PFKL: variants seen among roughly 807,000 people sequenced by gnomAD.
PFKL encodes ATP-dependent 6-phosphofructokinase, liver type.
In PFKL, 74 loss-of-function variants were observed where a neutral mutation model predicts 92.1. That is an observed-to-expected ratio of 0.80 (90% CI 0.67 to 0.97). The LOEUF is 0.97. PFKL is among the 50% of genes least tolerant of loss of function. The pLI, the probability that PFKL is intolerant of heterozygous loss-of-function variation, is 0.00. For missense variants in PFKL, 1,028 were observed against 1,116.6 expected (o/e 0.92, Z 1.13); for synonymous variants, 494 against 456.4 (o/e 1.08, Z -1.05).
At position 44,322,956 on chromosome 21, in the gene PFKL, C is replaced by G; in HGVS notation, c.1410-6C>G. ...CGTGTTCATGCGGATGTGTCTTTGA[C>G]TGCAGGACCCTGCCCAAGGGCCAGC... On this transcript the variant is annotated splice_region_variant and splice_polypyrimidine_tract_variant and intron_variant, in intron 14 of 21. Coordinates refer to ENST00000349048, the MANE Select transcript of PFKL (RefSeq NM_002626.6). 3.1e-6 allele frequency: 5 copies of G among 1,608,534 alleles called. No individual in the cohort carries two copies. Among genetic ancestry groups the G allele is most frequent in the Non-Finnish European group, 4.3e-6 (5 of 1,176,324 alleles).
At chr21:44,303,047 A>G (rs539961443) in intron 1 of PFKL, among the ~76,000 whole-genome samples, 52 of 152,290 alleles carry the variant, frequency 3.4e-4, no homozygotes, top group East Asian at 7.7e-4. Flanking sequence ...ATCCTGGCTA[A>G]CATGGTGAAA....
At chr21:44,325,893 G>A in intron 19 of PFKL, 68 bp from the exon 20 acceptor site, 2 of 1,167,986 alleles carry the variant, frequency 1.7e-6, no homozygotes, top group Non-Finnish European at 2.5e-6. Flanking sequence ...GATCCTGTCT[G>A]CACTGGCGTT....
intron 12 of PFKL, chr21:44,320,445 C>A (rs750576195): frequency 1.5e-5 from 4 of 265,810 alleles, no homozygotes; most frequent in Non-Finnish European, 2.9e-5. Flanking sequence ...TAGAAAATGT[C>A]CCCCGGGGCC....
At chr21:44,325,699 A>G in intron 19 of PFKL, 1 of 530,358 alleles carries the variant, frequency 1.9e-6, no homozygotes, top group Admixed American at 3.2e-5. Flanking sequence ...CTGGCTGCCG[A>G]TGCAGGGCCC....
rs745691661 is a variant in PFKL, at chr21:44,312,999, C to T, written c.449C>T (p.Ala150Val). Residue 150 changes from alanine (A) to valine (V), a missense_variant, in exon 5 of 22, where the codon GCC becomes GTC. Physicochemically the swap from Ala to Val is moderately conservative, Grantham distance 64 (BLOSUM62 0). Transcript: ENST00000349048. ...VAEGKISETT[A>V]RTYSHLNIAG... ...CCAGGTAAGATCTCAGAGACTACAG[C>T]CCGGACCTACTCGCACCTGAACATC... 6 of 1,613,060 alleles carry T rather than the reference C, an allele frequency of 3.7e-6. No homozygotes were observed. The highest frequency in any genetic ancestry group is 1.1e-5 in the South Asian group (1 of 91,092).
intron 7 of PFKL, chr21:44,315,644 G>C (rs2047181961): frequency 6.5e-6 from 1 of 154,466 alleles, no homozygotes; most frequent in African/African-American, 2.4e-5. Flanking sequence ...CCAGAGAGCT[G>C]GGCCGCGGCT....
At chr21:44,305,773 G>A (rs377031777) in intron 1 of PFKL, 31 of 1,365,008 alleles carry the variant, frequency 2.3e-5, no homozygotes, top group South Asian at 1.5e-4. Context: ...CCTGAGTGCC[G>A]CCTCCCCCGT....
In PFKL at chr21:44,322,961, G is replaced by A; in HGVS notation, c.1410-1G>A. 1 of 1,609,956 alleles carries A rather than the reference G, an allele frequency of 6.2e-7. No homozygotes were observed. Among genetic ancestry groups the A allele is most frequent in the Non-Finnish European group, 8.5e-7 (1 of 1,177,424 alleles). On this transcript the variant is annotated splice_acceptor_variant, in intron 14 of 21. Transcript: ENST00000349048. LOFTEE classifies it high-confidence loss of function. ...TCATGCGGATGTGTCTTTGACTGCA[G>A]GACCCTGCCCAAGGGCCAGCTGGAG...
intron 3 of PFKL, among the ~76,000 whole-genome samples, chr21:44,311,497 G>C (rs2047047232): frequency 6.6e-6 from 1 of 152,202 alleles, no homozygotes. Context: ...CAGGTACACA[G>C]ATACAGAAAC....
intron 7 of PFKL, chr21:44,315,059 C>T (rs1228657479): frequency 6.6e-6 from 1 of 152,356 alleles, no homozygotes; most frequent in Non-Finnish European, 1.5e-5. Flanking sequence ...GACCTGGCTT[C>T]TAGAACCTTC....
intron 19 of PFKL, chr21:44,325,532 CG>C: frequency 1.8e-6 from 1 of 555,750 alleles, no homozygotes; most frequent in South Asian, 2.1e-5. Context: ...AGGCCTCCCG[CG>C]GCCACTTCCG....
At position 44,326,936 on chromosome 21, in the gene PFKL, G is replaced by A. The variant is rs758292261; in HGVS notation, c.*74G>A. 575 of 1,404,134 alleles carry A rather than the reference G, an allele frequency of 4.1e-4. 2 individuals are homozygous for A. Among genetic ancestry groups the A allele is most frequent in the Non-Finnish European group, 5.2e-4 (530 of 1,016,276 alleles). The allele number at this position is 1,404,134 out of a possible 1,614,324, so 87.0% of individuals were successfully genotyped here. A position where few individuals can be genotyped will look rare whatever the true frequency, so the allele number is the denominator to read the frequency against. ...GCGCCAGGGCTCAGATGGGGCCTGG[G>A]CTGTTGTGTCTGGAGCCTGCAGGCA... On this transcript the variant is annotated 3_prime_UTR_variant, in exon 22 of 22. Coordinates refer to ENST00000349048, the MANE Select transcript of PFKL (RefSeq NM_002626.6).
In PFKL at chr21:44,325,606, C is replaced by T. The variant is rs137945823; in HGVS notation, c.1989+342C>T. On this transcript the variant is annotated intron_variant, in intron 19 of 21. Transcript: ENST00000349048. Reference sequence around the variant, plus strand: ...TTATGGTGGCCCTGCAGGAAGCCCGCGTCCTGGGGTTTTCTGAGCCAGGGA... The same window carrying T: ...TTATGGTGGCCCTGCAGGAAGCCCGTGTCCTGGGGTTTTCTGAGCCAGGGA... The T allele has an allele frequency of 2.1e-3, 1,024 of 487,904 alleles. 3 individuals are homozygous for T. The highest frequency in any genetic ancestry group is 0.013 in the African/African-American group (668 of 51,922). 30.2% of individuals were successfully genotyped at this position (487,904 alleles called of 1,614,324 possible). A position where few individuals can be genotyped will look rare whatever the true frequency, so the allele number is the denominator to read the frequency against.
chr21:44,326,973 C>T lies in PFKL; in HGVS notation c.*111C>T, dbSNP rs1264656125. The T allele has an allele frequency of 1.2e-5, 12 of 999,630 alleles. No individual in the cohort carries two copies. Among genetic ancestry groups the T allele is most frequent in the African/African-American group, 9.6e-5 (6 of 62,468 alleles). 61.9% of individuals were successfully genotyped at this position (999,630 alleles called of 1,614,324 possible). A position where few individuals can be genotyped will look rare whatever the true frequency, so the allele number is the denominator to read the frequency against. On this transcript the variant is annotated 3_prime_UTR_variant, in exon 22 of 22. Coordinates refer to ENST00000349048, the MANE Select transcript of PFKL (RefSeq NM_002626.6). ...GGAGCCTGCAGGCAGGTGGGGGCTG[C>T]GTCCCTGCTCAGCCCATCCCCTGCC... is the stretch of plus-strand genomic sequence containing the variant.
intron 2 of PFKL, 51 bp from the exon 3 acceptor site, chr21:44,310,955 C>A: frequency 7.1e-7 from 1 of 1,400,780 alleles, no homozygotes; most frequent in Non-Finnish European, 1.0e-6. Flanking sequence ...CCACTTGCTG[C>A]CGGCCGCCAT....
chr21:44,322,001 C>T (rs528881380), intron 13 of PFKL, 126 bp downstream of exon 13: 4 of 1,435,860 alleles, frequency 2.8e-6, no homozygotes, highest in African/African-American at 2.9e-5. Flanking sequence ...CGGTGCCCAC[C>T]CGGGCCTGGG....
chr21:44,324,674 C>T lies in PFKL; in HGVS notation c.1815+19C>T. Reference sequence around the variant, plus strand: ...CTTAAAGGTGAGCCCAGCCCAGCCCCTGCTGCGGCAGACCTGCCGGCATGC... The same window carrying T: ...CTTAAAGGTGAGCCCAGCCCAGCCCTTGCTGCGGCAGACCTGCCGGCATGC... On this transcript the variant is annotated intron_variant, in intron 17 of 21. Coordinates refer to ENST00000349048, the MANE Select transcript of PFKL (RefSeq NM_002626.6). 1 of 1,569,202 alleles carries T rather than the reference C, an allele frequency of 6.4e-7. No individual in the cohort carries two copies. The highest frequency in any genetic ancestry group is 8.7e-7 in the Non-Finnish European group (1 of 1,154,904).
intron 1 of PFKL, among the ~76,000 whole-genome samples, chr21:44,303,182 G>A (rs1310184292): frequency 1.3e-5 from 2 of 151,498 alleles, no homozygotes; most frequent in Non-Finnish European, 2.9e-5. Flanking sequence ...GCAGTGAGCC[G>A]AGATCGAGCC....
rs887101077 is a variant in PFKL at position 44,317,635 on chromosome 21, G to A, written c.937-835G>A. ...AGGACAGTTGATCGCCCCTAGCCGCGGCTGTCACCCAGAGCGTCAGCATTC... is the reference window on the plus strand; with the variant it reads ...AGGACAGTTGATCGCCCCTAGCCGCAGCTGTCACCCAGAGCGTCAGCATTC... On this transcript the variant is annotated intron_variant, in intron 9 of 21. Coordinates refer to ENST00000349048, the MANE Select transcript of PFKL (RefSeq NM_002626.6). 2.0e-5 allele frequency among the ~76,000 whole-genome samples: 3 copies of A among 152,208 alleles called. 1 individual carries two copies. The highest frequency in any genetic ancestry group is 4.4e-5 in the Non-Finnish European group (3 of 68,042).
Sources: allele counts gnomAD v4.1 joint callset (sites outside exome capture counted in the v4.1 genomes callset), GRCh38; gene constraint gnomAD v4.1.1; transcripts MANE v1.5; gene names NCBI Gene and HGNC (gene_info 2026-07-23, HGNC 2026-07-21).